The following CA10 variants were observed in gnomAD, a reference collection of about 807,000 sequenced individuals.
CA10 encodes carbonic anhydrase 10 (inactive), also known as carbonic anhydrase-related protein 10.
Under a neutral mutation model 44.2 loss-of-function variants are expected in CA10, and 14 were observed. The ratio of observed to expected loss-of-function variants is 0.32; its 90% CI spans 0.21 to 0.50. The LOEUF (loss-of-function observed/expected upper bound fraction) is 0.50, where lower values mean the gene tolerates loss of function less well. CA10 is among the 20% of genes least tolerant of loss of function. The pLI is 0.99. For missense variants in CA10, 350 were observed against 409.7 expected (o/e 0.85, Z 1.26); for synonymous variants, 159 against 141.6 (o/e 1.12, Z -0.87).
chr17:51,859,660 G>C (rs1205796877), intron 3 of CA10, among the ~76,000 whole-genome samples: 1 of 152,118 alleles, frequency 6.6e-6, no homozygotes, highest in African/African-American at 2.4e-5. Flanking sequence ...CACATTATAT[G>C]AACTCTGAGC....
chr17:51,732,203 G>A (rs1916745665), intron 4 of CA10, among the ~76,000 whole-genome samples: 1 of 152,204 alleles, frequency 6.6e-6, no homozygotes, highest in African/African-American at 2.4e-5. Context: ...AAACGAAGGA[G>A]AGGGAGAACA....
At chr17:51,854,139 G>T (rs1282136256) in intron 3 of CA10, among the ~76,000 whole-genome samples, 1 of 152,184 alleles carries the variant, frequency 6.6e-6, no homozygotes, top group Non-Finnish European at 1.5e-5. Flanking sequence ...CTCAGGGAAT[G>T]ATCAGCCAGT....
At chr17:51,811,620 C>T (rs1257383976) in intron 3 of CA10, among the ~76,000 whole-genome samples, 1 of 152,112 alleles carries the variant, frequency 6.6e-6, no homozygotes, top group Non-Finnish European at 1.5e-5. Context: ...TGAACTCATC[C>T]TTTTGTATGG....
At chr17:51,671,553 C>T (rs9891089) in intron 4 of CA10, among the ~76,000 whole-genome samples, 1,657 of 152,114 alleles carry the variant, frequency 0.011, 39 homozygotes, top group African/African-American at 0.038. Context: ...TATAGGTGCC[C>T]GCCACCACGC....
intron 1 of CA10, among the ~76,000 whole-genome samples, chr17:52,080,689 G>A (rs971171552): frequency 2.6e-5 from 4 of 151,920 alleles, no homozygotes; most frequent in Middle Eastern, 3.4e-3. Flanking sequence ...GGTATACCAC[G>A]TTTATTACTC....
At chr17:52,018,159 T>C (rs1282001008) in intron 2 of CA10, among the ~76,000 whole-genome samples, 2 of 152,126 alleles carry the variant, frequency 1.3e-5, no homozygotes, top group African/African-American at 2.4e-5. Context: ...GAGCCTTTGC[T>C]AGGGCAGTAT....
chr17:51,943,622 G>T (rs1183522095), intron 2 of CA10, among the ~76,000 whole-genome samples: 5 of 152,148 alleles, frequency 3.3e-5, no homozygotes, highest in African/African-American at 7.2e-5. Context: ...ACTTTCCTAT[G>T]CATGGAGTGC....
chr17:51,838,072 G>A (rs983637432), intron 3 of CA10, among the ~76,000 whole-genome samples: 1 of 152,168 alleles, frequency 6.6e-6, no homozygotes, highest in Non-Finnish European at 1.5e-5. Context: ...TATGAAGTAG[G>A]TGGTGCAGGT....
Position 51,907,896 on chromosome 17 carries a change from G to A in CA10, c.279+23094C>T, listed in dbSNP as rs572474950. ...TCCATGTCAGAGGATGTTTCCTGGG[G>A]AACCTGATCTGTAAAACCTTCATGA... On this transcript the variant is annotated intron_variant, in intron 3 of 8. Transcript: ENST00000451037. 3.3e-5 allele frequency among the ~76,000 whole-genome samples: 5 copies of A among 152,234 alleles called. No homozygotes were observed. In the South Asian group the frequency reaches 1.0e-3, roughly 32 times the overall value.
At chr17:52,046,470 T>C (rs1323849740) in intron 2 of CA10, among the ~76,000 whole-genome samples, 1 of 151,812 alleles carries the variant, frequency 6.6e-6, no homozygotes, top group Non-Finnish European at 1.5e-5. Flanking sequence ...ACAACTTATA[T>C]GAAAATGACA....
chr17:51,654,122 C>A (rs1913686397), intron 4 of CA10, among the ~76,000 whole-genome samples: 1 of 152,206 alleles, frequency 6.6e-6, no homozygotes, highest in Non-Finnish European at 1.5e-5. Flanking sequence ...CTGCCACTGG[C>A]AGCCAGTAAA....
chr17:52,116,563 G>C (rs1210973700), intron 1 of CA10, among the ~76,000 whole-genome samples: 1 of 152,050 alleles, frequency 6.6e-6, no homozygotes, highest in Non-Finnish European at 1.5e-5. Flanking sequence ...CTGGGATTCG[G>C]GAATAAAAAG....
At chr17:51,919,490 G>C (rs1365262083) in intron 3 of CA10, among the ~76,000 whole-genome samples, 1 of 152,116 alleles carries the variant, frequency 6.6e-6, no homozygotes, top group Admixed American at 6.5e-5. Flanking sequence ...GGTGGAGCTA[G>C]TCTGTAAAAC....
chr17:51,805,935 A>T (rs1907116604), intron 3 of CA10, among the ~76,000 whole-genome samples: 1 of 152,232 alleles, frequency 6.6e-6, no homozygotes, highest in African/African-American at 2.4e-5. Context: ...AGAACAAACC[A>T]GCTGTGCAAA....
At chr17:52,048,004 A>G (rs1259667399) in intron 2 of CA10, among the ~76,000 whole-genome samples, 2 of 151,540 alleles carry the variant, frequency 1.3e-5, no homozygotes, top group Non-Finnish European at 2.9e-5. Context: ...TCTCATCTAT[A>G]CACCAATGGC....
At chr17:51,887,159 T>C (rs918729677) in intron 3 of CA10, among the ~76,000 whole-genome samples, 74 of 151,782 alleles carry the variant, frequency 4.9e-4, no homozygotes, top group African/African-American at 1.8e-3. Context: ...TAATACAATC[T>C]TATTCTTGAA....
chr17:52,040,377 A>T (rs148778708), intron 2 of CA10, among the ~76,000 whole-genome samples: 1 of 152,060 alleles, frequency 6.6e-6, no homozygotes. Context: ...CTATGATAGC[A>T]ATTTGCTCTC....
chr17:51,653,845 A>G (rs1417206350), intron 4 of CA10, 109 bp from the exon 5 acceptor site: 4 of 679,500 alleles, frequency 5.9e-6, no homozygotes, highest in Non-Finnish European at 1.1e-5. Context: ...TTGAGGAACA[A>G]TTTGGAAGAC....
At chr17:51,848,469 C>A (rs577615767) in intron 3 of CA10, among the ~76,000 whole-genome samples, 13 of 152,208 alleles carry the variant, frequency 8.5e-5, no homozygotes, top group Admixed American at 2.6e-4. Context: ...AGCCTCCAAT[C>A]TGTTCCAGGT....
Sources: gnomAD v4.1 joint callset for allele counts (sites outside exome capture counted in the v4.1 genomes callset) on GRCh38, gnomAD v4.1.1 for gene constraint, MANE v1.5 for transcripts, NCBI Gene and HGNC (gene_info 2026-07-23, HGNC 2026-07-21) for gene names.